The following GPC6 variants were observed in gnomAD, a reference collection of about 807,000 sequenced individuals.
The protein encoded by GPC6 is glypican-6.
GPC6 carries 14 observed loss-of-function variants against 55.2 expected under a neutral mutation model. The ratio of observed to expected loss-of-function variants is 0.25; its 90% CI spans 0.17 to 0.40. The LOEUF is 0.40. Ranked by LOEUF, GPC6 falls within the 10% of genes least tolerant of loss-of-function variation. GPC6 has a pLI of 1.00. For missense variants in GPC6, 641 were observed against 708.5 expected (o/e 0.90, Z 1.08); for synonymous variants, 278 against 259.6 (o/e 1.07, Z -0.68).
intron 6 of GPC6, among the ~76,000 whole-genome samples, chr13:94,333,830 G>T (rs1480600133): frequency 6.6e-6 from 1 of 152,182 alleles, no homozygotes; most frequent in Non-Finnish European, 1.5e-5. Context: ...ATGCAATGAA[G>T]ATAGCCAGTG....
intron 2 of GPC6, among the ~76,000 whole-genome samples, chr13:93,761,522 T>A (rs562055277): frequency 7.2e-5 from 11 of 152,282 alleles, no homozygotes; most frequent in African/African-American, 2.4e-4. Flanking sequence ...AGTTTTAAAA[T>A]TTTTAAATAG....
intron 3 of GPC6, among the ~76,000 whole-genome samples, chr13:93,972,940 T>C (rs1880348984): frequency 6.6e-6 from 1 of 151,926 alleles, no homozygotes; most frequent in African/African-American, 2.4e-5. Flanking sequence ...TCTCTCTCTC[T>C]CTCTGTCTTT....
At chr13:94,217,073 A>G (rs1288718114) in intron 4 of GPC6, among the ~76,000 whole-genome samples, 2 of 152,170 alleles carry the variant, frequency 1.3e-5, no homozygotes, top group Non-Finnish European at 2.9e-5. Context: ...GTCACTCCAT[A>G]TAGAATAGAA....
chr13:93,536,266 A>G (rs1882057745), intron 1 of GPC6, among the ~76,000 whole-genome samples: 1 of 152,138 alleles, frequency 6.6e-6, no homozygotes, highest in Non-Finnish European at 1.5e-5. Context: ...CATTTTAACC[A>G]TTTTACAGAG....
intron 2 of GPC6, among the ~76,000 whole-genome samples, chr13:93,559,463 T>A (rs907482204): frequency 1.3e-5 from 2 of 152,186 alleles, no homozygotes; most frequent in African/African-American, 4.8e-5. Context: ...AATTGCCCAG[T>A]ACATGTAATG....
intron 6 of GPC6, among the ~76,000 whole-genome samples, chr13:94,357,044 C>A (rs550718217): frequency 6.7e-4 from 102 of 152,262 alleles, no homozygotes; most frequent in Non-Finnish European, 1.6e-4. Flanking sequence ...CATTGCCCAC[C>A]CCACCTGGCT....
intron 6 of GPC6, among the ~76,000 whole-genome samples, chr13:94,310,900 T>G (rs1876209715): frequency 1.3e-5 from 2 of 152,166 alleles, no homozygotes; most frequent in Admixed American, 1.3e-4. Flanking sequence ...ATATTGGCCT[T>G]TTTCTTCTTG....
chr13:93,570,271 T>C (rs1876339005), intron 2 of GPC6, among the ~76,000 whole-genome samples: 1 of 152,218 alleles, frequency 6.6e-6, no homozygotes, highest in South Asian at 2.1e-4. Context: ...CAAGGTTAAA[T>C]GTATGCACAT....
At chr13:94,166,162 G>C (rs901056522) in intron 4 of GPC6, among the ~76,000 whole-genome samples, 1 of 152,102 alleles carries the variant, frequency 6.6e-6, no homozygotes, top group African/African-American at 2.4e-5. Flanking sequence ...AGGAGCCCTT[G>C]GTTATCGTCA....
chr13:93,406,867 T>C (rs145064742), intron 1 of GPC6, among the ~76,000 whole-genome samples: 48 of 152,264 alleles, frequency 3.2e-4, no homozygotes, highest in Middle Eastern at 3.4e-3. Flanking sequence ...ATTTAAAAAG[T>C]GTCAATTTCA....
At chr13:93,481,517 T>A (rs1879519866) in intron 1 of GPC6, among the ~76,000 whole-genome samples, 1 of 152,176 alleles carries the variant, frequency 6.6e-6, no homozygotes, top group African/African-American at 2.4e-5. Context: ...TTATGGATCT[T>A]TACTCTTGTT....
intron 2 of GPC6, among the ~76,000 whole-genome samples, chr13:93,749,647 G>A (rs144200824): frequency 2.6e-5 from 4 of 151,928 alleles, no homozygotes; most frequent in African/African-American, 9.6e-5. Context: ...ATTATGCTTT[G>A]CATAATATGT....
chr13:94,198,894 T>C (rs189102303), intron 4 of GPC6, among the ~76,000 whole-genome samples: 27 of 152,296 alleles, frequency 1.8e-4, no homozygotes, highest in Admixed American at 1.4e-3. Flanking sequence ...GATTAAATCT[T>C]TGTTCTCTTT....
intron 2 of GPC6, among the ~76,000 whole-genome samples, chr13:93,692,543 C>A (rs1308296471): frequency 6.6e-6 from 1 of 151,918 alleles, no homozygotes; most frequent in African/African-American, 2.4e-5. Flanking sequence ...AGGAACTGTT[C>A]GTTAGTTCCT....
intron 4 of GPC6, among the ~76,000 whole-genome samples, chr13:94,029,052 A>G (rs1045454094): frequency 1.3e-5 from 2 of 152,238 alleles, no homozygotes. Context: ...GCAAACCTCT[A>G]AACGAGCATG....
chr13:94,079,247 G>A (rs111955361), intron 4 of GPC6, among the ~76,000 whole-genome samples: 5 of 152,024 alleles, frequency 3.3e-5, no homozygotes, highest in Non-Finnish European at 5.9e-5. Context: ...CAAGGATACC[G>A]AGGAAGGACT....
At position 94,364,556 on chromosome 13, in the gene GPC6, A is replaced by AAAAT. The variant is rs1443625632; in HGVS notation, c.1153-17856_1153-17853dup. 6.6e-5 allele frequency among the ~76,000 whole-genome samples: 10 copies of AAAAT among 152,304 alleles called. No individual in the cohort carries two copies. The East Asian group carries it at 1.7e-3, about 26-fold the overall frequency. ...ATGAACTTTCTTTCTCCCTTATTGT[A>AAAAT]AAATATTGATTTTACTTCTCACACC... On this transcript the variant is annotated intron_variant, in intron 6 of 8. Coordinates refer to ENST00000377047, the MANE Select transcript of GPC6 (RefSeq NM_005708.5).
At chr13:93,353,173 G>A (rs1880691968) in intron 1 of GPC6, among the ~76,000 whole-genome samples, 1 of 152,182 alleles carries the variant, frequency 6.6e-6, no homozygotes, top group African/African-American at 2.4e-5. Flanking sequence ...GTTTCTTGGA[G>A]GGCTTGGAAA....
intron 6 of GPC6, 101 bp from the exon 7 acceptor site, chr13:94,382,313 C>A: frequency 8.3e-7 from 1 of 1,200,326 alleles, no homozygotes; most frequent in South Asian, 1.2e-5. Context: ...TCCTGCTGGT[C>A]ATATCACAGG....
Sources: allele counts gnomAD v4.1 joint callset (sites outside exome capture counted in the v4.1 genomes callset), GRCh38; gene constraint gnomAD v4.1.1; transcripts MANE v1.5; gene names NCBI Gene and HGNC (gene_info 2026-07-23, HGNC 2026-07-21).